Variants in PARD3B observed in about 807,000 individuals in gnomAD.
PARD3B encodes par-3 family cell polarity regulator beta, also known as partitioning defective 3 homolog B.
A neutral mutation model predicts 130.2 loss-of-function variants in PARD3B; 103 were observed. The ratio of observed to expected loss-of-function variants is 0.79; its 90% CI spans 0.67 to 0.93. The LOEUF (loss-of-function observed/expected upper bound fraction) is 0.93, where lower values mean the gene tolerates loss of function less well. Among genes scored for constraint, PARD3B ranks in the 40% least tolerant of loss-of-function variants. PARD3B has a pLI of 0.00. For missense variants in PARD3B, 1,609 were observed against 1,499.2 expected (o/e 1.07, Z -1.21); for synonymous variants, 583 against 553.2 (o/e 1.05, Z -0.76).
intron 4 of PARD3B, among the ~76,000 whole-genome samples, chr2:205,090,945 G>T (rs533718239): frequency 6.6e-6 from 1 of 152,168 alleles, no homozygotes; most frequent in African/African-American, 2.4e-5. Flanking sequence ...TAGGATTTTG[G>T]CCCCAAACAA....
chr2:205,472,532 A>G, intron 20 of PARD3B, among the ~76,000 whole-genome samples: 1 of 152,316 alleles, frequency 6.6e-6, no homozygotes, highest in South Asian at 2.1e-4. Context: ...AATTTATATC[A>G]TTAAAGAGGG....
intron 15 of PARD3B, among the ~76,000 whole-genome samples, chr2:205,194,303 A>C (rs2125808868): frequency 6.6e-6 from 1 of 152,340 alleles, no homozygotes; most frequent in Admixed American, 6.5e-5. Flanking sequence ...ATGAAACAAG[A>C]GAAATTGATT....
intron 2 of PARD3B, among the ~76,000 whole-genome samples, chr2:204,687,749 T>A (rs1317299915): frequency 6.6e-6 from 1 of 152,198 alleles, no homozygotes; most frequent in Non-Finnish European, 1.5e-5. Flanking sequence ...TCTTCTTCCT[T>A]TGAAATAATC....
intron 18 of PARD3B, among the ~76,000 whole-genome samples, chr2:205,380,364 GAA>G (rs1485817679): frequency 4.0e-3 from 66 of 16,410 alleles, no homozygotes; most frequent in Non-Finnish European, 4.5e-3. Flanking sequence ...AATATATAAA[GAA>G]TATATATTAT....
At chr2:204,947,567 TCCCCTCCC>T (rs1689433590) in intron 2 of PARD3B, among the ~76,000 whole-genome samples, 1 of 78,488 alleles carries the variant, frequency 1.3e-5, no homozygotes, top group African/African-American at 4.1e-5. Context: ...CTCCCCTCCC[TCCCCTCCC>T]TCTCTTAGCC....
At chr2:204,946,901 A>G (rs955917283) in intron 2 of PARD3B, among the ~76,000 whole-genome samples, 4 of 152,172 alleles carry the variant, frequency 2.6e-5, no homozygotes, top group Non-Finnish European at 5.9e-5. Context: ...GGCTGGAAAG[A>G]AAAAAACAAA....
rs1348379231 is a variant in PARD3B, at chr2:204,686,285, A to C, written c.222+3A>C. On this transcript the variant is annotated splice_donor_region_variant and intron_variant, in intron 2 of 22. Coordinates refer to ENST00000406610, the MANE Select transcript of PARD3B (RefSeq NM_001302769.2). The stretch of plus-strand genomic sequence containing the variant: ...ATGTTGTTGAAGATAAAGACAAGGT[A>C]GATAACTCTAAAAATGTGCCTCTTT... 1 of 1,594,996 alleles carries C rather than the reference A, an allele frequency of 6.3e-7. No individual in the cohort carries two copies. The highest frequency in any genetic ancestry group is 8.6e-7 in the Non-Finnish European group (1 of 1,162,974).
intron 16 of PARD3B, among the ~76,000 whole-genome samples, chr2:205,279,560 A>G (rs1452537652): frequency 6.6e-6 from 1 of 152,228 alleles, no homozygotes; most frequent in Non-Finnish European, 1.5e-5. Context: ...CATTTAGAAC[A>G]GAGTTTCTCC....
intron 18 of PARD3B, among the ~76,000 whole-genome samples, chr2:205,392,744 A>C (rs573596871): frequency 6.6e-5 from 10 of 152,302 alleles, no homozygotes; most frequent in African/African-American, 2.2e-4. Context: ...AGTTTAAAAC[A>C]CAGCCCTACT....
intron 1 of PARD3B, among the ~76,000 whole-genome samples, chr2:204,577,468 C>T (rs2125076050): frequency 6.6e-6 from 1 of 152,318 alleles, no homozygotes; most frequent in East Asian, 1.9e-4. Context: ...TCATGTTGCA[C>T]AATTCCCTTG....
Position 204,890,266 on chromosome 2 carries a change from G to A in PARD3B, c.223-74886G>A, listed in dbSNP as rs1240732196. On this transcript the variant is annotated intron_variant, in intron 2 of 22. Coordinates refer to ENST00000406610, the MANE Select transcript of PARD3B (RefSeq NM_001302769.2). This position sits in a 1 kb window ranked among gnomAD's most constrained non-coding sequence, Gnocchi z 4.9. ...TTGGTTCAGAACTGCATACATAGTA[G>A]GCATTTTATAAATACTTACTGAATG... 6.6e-6 allele frequency among the ~76,000 whole-genome samples: 1 copy of A among 152,146 alleles called. No homozygotes were observed. The highest frequency in any genetic ancestry group is 1.5e-5 in the Non-Finnish European group (1 of 68,042).
At chr2:205,570,352 C>CATT (rs1182373493) in intron 22 of PARD3B, among the ~76,000 whole-genome samples, 1 of 152,202 alleles carries the variant, frequency 6.6e-6, no homozygotes, top group Non-Finnish European at 1.5e-5. Context: ...TAAATCCTCA[C>CATT]ATTATAGTTC....
chr2:205,448,941 TAG>T (rs2048001769), intron 20 of PARD3B, among the ~76,000 whole-genome samples: 1 of 151,530 alleles, frequency 6.6e-6, no homozygotes, highest in Non-Finnish European at 1.5e-5. Flanking sequence ...CCGAGGCGGG[TAG>T]ATCACCTGAG....
At chr2:205,571,368 G>A (rs186916713) in intron 22 of PARD3B, among the ~76,000 whole-genome samples, 36 of 152,296 alleles carry the variant, frequency 2.4e-4, no homozygotes, top group Admixed American at 2.0e-3. Flanking sequence ...TAACCTGAAA[G>A]TAACAAGCTG....
chr2:204,627,969 CTA>C (rs1045296686), intron 1 of PARD3B, among the ~76,000 whole-genome samples: 1 of 131,026 alleles, frequency 7.6e-6, no homozygotes, highest in Non-Finnish European at 1.6e-5. Flanking sequence ...TTTTAAAACA[CTA>C]TGAGTTTTTT....
intron 15 of PARD3B, among the ~76,000 whole-genome samples, chr2:205,243,739 A>G (rs1195536454): frequency 6.6e-6 from 1 of 152,144 alleles, no homozygotes; most frequent in Non-Finnish European, 1.5e-5. Flanking sequence ...TAAGAGTGCC[A>G]TATTTAAGTT....
intron 1 of PARD3B, among the ~76,000 whole-genome samples, chr2:204,609,468 T>G (rs1379073861): frequency 2.0e-5 from 3 of 152,114 alleles, no homozygotes; most frequent in Admixed American, 6.5e-5. Context: ...AGACAGAAAG[T>G]GTAAGTAAAA....
chr2:205,035,754 T>C (rs1697773845), intron 3 of PARD3B, among the ~76,000 whole-genome samples: 2 of 146,114 alleles, frequency 1.4e-5, no homozygotes, highest in African/African-American at 5.0e-5. Flanking sequence ...ACTATGTATA[T>C]AAATAATCCA....
intron 2 of PARD3B, among the ~76,000 whole-genome samples, chr2:204,764,427 C>T (rs542409887): frequency 2.6e-5 from 4 of 152,214 alleles, no homozygotes; most frequent in East Asian, 1.9e-4. Flanking sequence ...CAAGTTCCCC[C>T]GTGCAAATTC....
Sources: gnomAD v4.1 joint callset for allele counts (sites outside exome capture counted in the v4.1 genomes callset) on GRCh38, gnomAD v4.1.1 for gene constraint, Gnocchi (gnomAD v3.1) non-coding constraint, MANE v1.5 for transcripts, NCBI Gene and HGNC (gene_info 2026-07-23, HGNC 2026-07-21) for gene names.